Variants in RECQL4 observed in about 807,000 individuals in gnomAD.
RECQL4 encodes ATP-dependent DNA helicase Q4.
RECQL4 carries 158 observed loss-of-function variants against 128.6 expected under a neutral mutation model. The observed-to-expected ratio is 1.23, with a 90% CI of 1.08 to 1.40. The LOEUF (loss-of-function observed/expected upper bound fraction) is 1.40. RECQL4 is among the 40% of genes most tolerant of loss of function. The probability of loss-of-function intolerance (pLI) is 0.00; values close to 1 mark genes in which losing one functional copy is unlikely to be tolerated. For synonymous variants in RECQL4, 996 were observed against 678.9 expected (o/e 1.47, Z -7.26); for missense variants, 2,293 against 1,649.8 (o/e 1.39, Z -6.75).
Position 144,512,885 on chromosome 8 carries a change from A to G in RECQL4, c.2717T>C (p.Ile906Thr). 1 of 1,595,730 alleles carries G rather than the reference A, an allele frequency of 6.3e-7. No homozygotes were observed. The highest frequency in any genetic ancestry group is 1.1e-5 in the South Asian group (1 of 88,646). ...GTCCAAAGCCTGTACGGTAAGCTGT[A>G]TTGGGAGTGCCCGCTCATGGCCCAT... The part of the protein sequence containing the change: ...VCMGHERALP[I>T]QLTVQALDMP... Residue 906 changes from isoleucine to threonine, a missense_variant, in exon 15 of 21, where the codon ATA (isoleucine) becomes ACA (threonine). Coordinates refer to ENST00000617875, the MANE Select transcript of RECQL4 (RefSeq NM_004260.4).
rs1357267553 is a variant in RECQL4, at chr8:144,517,429, G to T, written c.198C>A (p.Pro66=). 2 of 1,582,042 alleles carry T rather than the reference G, an allele frequency of 1.3e-6. No individual in the cohort carries two copies. Among genetic ancestry groups the T allele is most frequent in the African/African-American group, 1.3e-5 (1 of 74,590 alleles). The change falls in exon 3 of 21, where the codon CCC becomes CCA. Residue 66 remains proline (P), a synonymous_variant. Coordinates refer to ENST00000617875, the MANE Select transcript of RECQL4 (RefSeq NM_004260.4). ...GGGLRSSESL[P]AAAEEAPEPR... ...GCCTGGGTACCTCTTCGGCCGCCGC[G>T]GGGAGCGACTCGGAGCTGCGGAGCC...
chr8:144,515,648 G>A (rs1781717203), intron 6 of RECQL4, 116 bp downstream of exon 6: 7 of 1,468,348 alleles, frequency 4.8e-6, no homozygotes, highest in South Asian at 3.9e-5. Context: ...CTAGGGTAGG[G>A]CCTGGACCAG....
rs781731943 is a variant in RECQL4 at position 144,516,510 on chromosome 8, C to T, written c.609G>A (p.Gly203=). Residue 203 remains glycine (G), a synonymous_variant, in exon 5 of 21, where the codon GGG becomes GGA. Transcript: ENST00000617875. ...RCHSEVPDFL[G]APKACRPDLG... is the part of the protein sequence containing the mutation. Reference sequence around the variant, plus strand: ...GATCAGGCCTGCAGGCTTTGGGGGCCCCCAGAAAATCTGGGACCTCACTGT... The same window carrying T: ...GATCAGGCCTGCAGGCTTTGGGGGCTCCCAGAAAATCTGGGACCTCACTGT... 5.6e-6 allele frequency: 9 copies of T among 1,609,396 alleles called. No homozygotes were observed. The Admixed American group carries it at 1.5e-4, about 27-fold the overall frequency.
rs570170707 is a variant in RECQL4 at position 144,514,268 on chromosome 8, G to A, written c.1799C>T (p.Ala600Val). ...GTGGGCCTCATCAATGCAGGCAAAA[G>A]CAACTGGAGGCAGCTGTGCGGCTGG... is the stretch of plus-strand genomic sequence containing the variant. ...LPPAAQLPPVAFACIDEAHCL... is the reference protein window; with the variant it reads ...LPPAAQLPPVVFACIDEAHCL... The change falls in exon 11 of 21, where the codon GCT becomes GTT. Residue 600 changes from alanine to valine, a missense_variant. Physicochemically the swap from Ala to Val is moderately conservative, Grantham distance 64. Coordinates refer to ENST00000617875, the MANE Select transcript of RECQL4 (RefSeq NM_004260.4). The A allele has an allele frequency of 3.7e-6, 6 of 1,612,100 alleles. No homozygotes were observed. The highest frequency in any genetic ancestry group is 3.3e-5 in the South Asian group (3 of 91,082).
At chr8:144,517,657 C>G (rs1255999771) in intron 1 of RECQL4, 22 bp from the exon 2 acceptor site, 1 of 1,471,694 alleles carries the variant, frequency 6.8e-7, no homozygotes, top group Admixed American at 2.4e-5. Flanking sequence ...ACGCGTCAGC[C>G]GCGGGCCGCG....
At chr8:144,514,635 A>G in intron 9 of RECQL4, 110 bp from the exon 10 acceptor site, 7 of 1,194,198 alleles carry the variant, frequency 5.9e-6, no homozygotes, top group Non-Finnish European at 8.2e-6. Context: ...GGAGAGGAGA[A>G]CCAGGTCCTG....
intron 6 of RECQL4, 145 bp downstream of exon 6, chr8:144,515,619 C>T (rs769004293): frequency 4.9e-6 from 7 of 1,438,810 alleles, no homozygotes; most frequent in Non-Finnish European, 6.6e-6. Context: ...GTCGTCCCTG[C>T]CACCCTCCTT....
chr8:144,515,726 G>C, intron 6 of RECQL4, 38 bp downstream of exon 6: 1 of 1,607,700 alleles, frequency 6.2e-7, no homozygotes, highest in Non-Finnish European at 8.5e-7. Context: ...CCTCTCCACA[G>C]TGTTGGCCGG....
At chr8:144,517,001 G>A (rs770104781) in intron 4 of RECQL4, 49 bp downstream of exon 4, 9 of 1,571,446 alleles carry the variant, frequency 5.7e-6, no homozygotes, top group South Asian at 2.3e-5. Flanking sequence ...GACCCGGACC[G>A]GAAGCAGCTG....
At position 144,511,756 on chromosome 8, in the gene RECQL4, T is replaced by C. The variant is rs1370267829; in HGVS notation, c.3427A>G (p.Ile1143Val). ...QDWEDQVRCD[I>V]RQFLSLRPEE... ...GGCCTCAGGGACAGGAACTGGCGGA[T>C]GTCGCAGCGGACCTGGTCCTCCCAA... Residue 1143 changes from isoleucine to valine, a missense_variant, in exon 20 of 21, where the codon ATC becomes GTC. Coordinates refer to ENST00000617875, the MANE Select transcript of RECQL4 (RefSeq NM_004260.4). 6.2e-7 allele frequency: 1 copy of C among 1,612,490 alleles called. No individual in the cohort carries two copies. Among genetic ancestry groups the C allele is most frequent in the Admixed American group, 1.7e-5 (1 of 60,016 alleles).
rs1815250921 is a variant in RECQL4, at chr8:144,517,163, G to A, written c.241C>T (p.His81Tyr). The change falls in exon 4 of 21, where the codon CAT becomes TAT. Residue 81 changes from histidine to tyrosine, a missense_variant. Transcript: ENST00000617875. ...EAPEPRCWGP[H>Y]LNRAATKSPQ... ...CTCTTGGTCGCAGCCCGATTCAGAT[G>A]GGGCCCCCAGCAGCGGGGCTCTGGC... 3.7e-6 allele frequency: 6 copies of A among 1,608,810 alleles called. No homozygotes were observed. The African/African-American group carries it at 6.7e-5, about 18-fold the overall frequency.
In RECQL4 at chr8:144,517,173, G is replaced by A. The variant is rs1815253475; in HGVS notation, c.231C>T (p.Cys77=). ...CAGCCCGATTCAGATGGGGCCCCCA[G>A]CAGCGGGGCTCTGGCGCCTGCAGGA... The part of the protein sequence containing the change: ...AAAEEAPEPR[C]WGPHLNRAAT... The change falls in exon 4 of 21, where the codon TGC becomes TGT. Residue 77 remains cysteine, a synonymous_variant. Coordinates refer to ENST00000617875, the MANE Select transcript of RECQL4 (RefSeq NM_004260.4). 1.2e-6 allele frequency: 2 copies of A among 1,606,920 alleles called. No homozygotes were observed. Among genetic ancestry groups the A allele is most frequent in the Non-Finnish European group, 8.5e-7 (1 of 1,178,166 alleles).
chr8:144,517,519 G>A lies in RECQL4; in HGVS notation c.119-11C>T, dbSNP rs1278855232. The A allele has an allele frequency of 6.3e-7, 1 of 1,580,748 alleles. No individual in the cohort carries two copies. The highest frequency in any genetic ancestry group is 1.1e-5 in the South Asian group (1 of 87,888). ...ATTCCCGGTAGAGCGCTGCGTGGGCGAGCGGGAGGCGGGGTCAGGGTGGGG... is the reference window on the plus strand; with the variant it reads ...ATTCCCGGTAGAGCGCTGCGTGGGCAAGCGGGAGGCGGGGTCAGGGTGGGG... On this transcript the variant is annotated splice_polypyrimidine_tract_variant and intron_variant, in intron 2 of 20. Coordinates refer to ENST00000617875, the MANE Select transcript of RECQL4 (RefSeq NM_004260.4).
Position 144,512,767 on chromosome 8 carries a change from G to C in RECQL4, c.2760C>G (p.Ile920Met), listed in dbSNP as rs752058642. The change falls in exon 16 of 21, where the codon ATC becomes ATG. Residue 920 changes from isoleucine to methionine, a missense_variant. Ile to Met is a conservative substitution (Grantham distance 10, BLOSUM62 1). Coordinates refer to ENST00000617875, the MANE Select transcript of RECQL4 (RefSeq NM_004260.4). ...GCTCCAGGTAGCACAGCAAAGTCTC[G>C]ATGGCTGGGGGCAGAGCAGGGCTCA... ...VQALDMPEEAIETLLCYLELH... is the reference protein window; with the variant it reads ...VQALDMPEEAMETLLCYLELH... 12 of 1,611,736 alleles carry C rather than the reference G, an allele frequency of 7.4e-6. No individual in the cohort carries two copies. Among genetic ancestry groups the C allele is most frequent in the Admixed American group, 3.3e-5 (2 of 59,966 alleles).
chr8:144,514,915 C>T (rs775813611), intron 9 of RECQL4, 21 bp downstream of exon 9: 3 of 1,609,550 alleles, frequency 1.9e-6, no homozygotes, highest in South Asian at 1.1e-5. Flanking sequence ...TGTACGTGTG[C>T]CCAGGGCCCT....
intron 3 of RECQL4, 81 bp downstream of exon 3, chr8:144,517,333 G>T (rs1815308758): frequency 1.4e-6 from 2 of 1,479,152 alleles, no homozygotes; most frequent in Admixed American, 2.1e-5. Context: ...GCCCCACGGC[G>T]GCCTGGCCGC....
chr8:144,514,912 G>A (rs1827925946), intron 9 of RECQL4, 24 bp downstream of exon 9: 2 of 1,609,156 alleles, frequency 1.2e-6, no homozygotes, highest in Non-Finnish European at 1.7e-6. Context: ...CTGTGTACGT[G>A]TGCCCAGGGC....
At position 144,513,250 on chromosome 8, in the gene RECQL4, G is replaced by C. The variant is rs1209922779; in HGVS notation, c.2431C>G (p.Pro811Ala). Reference protein sequence around the residue: ...AVGRAGRDGQPAHCHLFLQPQ... With the variant: ...AVGRAGRDGQAAHCHLFLQPQ... ...TGCAGGAAGAGGTGGCAGTGGGCAG[G>C]CTGCCCGTCACGCCCGGCCCGGCCC... Residue 811 changes from proline to alanine, a missense_variant, in exon 14 of 21, where the codon CCT becomes GCT. Pro to Ala is a conservative substitution (Grantham distance 27). Coordinates refer to ENST00000617875, the MANE Select transcript of RECQL4 (RefSeq NM_004260.4). 6.3e-7 allele frequency: 1 copy of C among 1,588,626 alleles called. No individual in the cohort carries two copies. The highest frequency in any genetic ancestry group is 1.3e-5 in the African/African-American group (1 of 74,744).
At chr8:144,514,625 G>T in intron 9 of RECQL4, 100 bp from the exon 10 acceptor site, 1 of 1,271,198 alleles carries the variant, frequency 7.9e-7, no homozygotes, top group Non-Finnish European at 1.1e-6. Flanking sequence ...GTCCCTCAGG[G>T]GAGAGGAGAA....
Sources: gnomAD v4.1 joint callset for allele counts on GRCh38, gnomAD v4.1.1 for gene constraint, MANE v1.5 for transcripts, NCBI Gene and HGNC (gene_info 2026-07-23, HGNC 2026-07-21) for gene names.